The following AFG2B variants were observed in gnomAD, a reference collection of about 807,000 sequenced individuals.
The protein encoded by AFG2B is ATPase family gene 2 protein homolog B.
chr15:45,410,705 T>TTAAAAATTATAA, the AFG2B span, among the ~76,000 whole-genome samples: 10 of 152,344 alleles, frequency 6.6e-5, 1 homozygote, highest in South Asian at 2.1e-3. Context: ...TGTGGATGTC[T>TTAAAAATTATAA]AAACTGGTTT....
the AFG2B span, among the ~76,000 whole-genome samples, chr15:45,420,767 G>A: frequency 6.6e-6 from 1 of 152,172 alleles, no homozygotes; most frequent in Non-Finnish European, 1.5e-5. Context: ...GCTGAAGCAG[G>A]TGGATCATGA....
At chr15:45,405,551 A>T in the AFG2B span, 1 of 1,570,350 alleles carries the variant, frequency 6.4e-7, no homozygotes, top group Non-Finnish European at 8.7e-7. Flanking sequence ...CTATTATTGT[A>T]ACAGATTAAT....
the AFG2B span, chr15:45,402,388 G>C: frequency 1.3e-6 from 2 of 1,555,804 alleles, no homozygotes; most frequent in Non-Finnish European, 1.7e-6. Context: ...GGCCGGGTGG[G>C]TTTCCTAATC....
chr15:45,407,096 G>A, the AFG2B span: 296 of 1,289,048 alleles, frequency 2.3e-4, no homozygotes, highest in Non-Finnish European at 2.9e-4. Context: ...CCAGGGTGGA[G>A]CCCACTGCTA....
At chr15:45,403,661 G>C in the AFG2B span, 91 of 1,023,648 alleles carry the variant, frequency 8.9e-5, 1 homozygote, top group African/African-American at 1.3e-3. Context: ...CAGAGAACAC[G>C]TTCTCTGCCG....
the AFG2B span, among the ~76,000 whole-genome samples, chr15:45,408,908 C>T: frequency 6.6e-6 from 1 of 152,060 alleles, no homozygotes; most frequent in Non-Finnish European, 1.5e-5. Context: ...AACTTTTACT[C>T]CCCTCAACAT....
the AFG2B span, chr15:45,405,525 G>C: frequency 3.7e-6 from 6 of 1,604,924 alleles, no homozygotes; most frequent in Non-Finnish European, 5.1e-6. Context: ...GTTAATTTAT[G>C]AACATCTATG....
At chr15:45,414,577 G>C in the AFG2B span, 2 of 1,613,844 alleles carry the variant, frequency 1.2e-6, no homozygotes, top group Non-Finnish European at 1.7e-6. Flanking sequence ...TCAGAGCATT[G>C]AGTGGCCTCT....
the AFG2B span, among the ~76,000 whole-genome samples, chr15:45,406,718 T>C: frequency 2.0e-5 from 3 of 152,242 alleles, no homozygotes; most frequent in Non-Finnish European, 2.9e-5. Flanking sequence ...AACATCAAAA[T>C]TGTCTTTTCA....
the AFG2B span, among the ~76,000 whole-genome samples, chr15:45,411,189 A>G: frequency 6.6e-6 from 1 of 152,106 alleles, no homozygotes; most frequent in East Asian, 1.9e-4. Flanking sequence ...GCAACAGAGA[A>G]ACCGTGTCCG....
At chr15:45,411,734 G>A in the AFG2B span, among the ~76,000 whole-genome samples, 1 of 152,150 alleles carries the variant, frequency 6.6e-6, no homozygotes, top group African/African-American at 2.4e-5. Flanking sequence ...GCTGCAGTGA[G>A]CTATGATTGC....
chr15:45,410,279 A>G, the AFG2B span: 1 of 1,403,032 alleles, frequency 7.1e-7, no homozygotes, highest in Non-Finnish European at 9.8e-7. Flanking sequence ...AACTTTACAA[A>G]TCCAAAAGAA....
chr15:45,408,623 C>A, the AFG2B span, among the ~76,000 whole-genome samples: 1 of 152,212 alleles, frequency 6.6e-6, no homozygotes, highest in Non-Finnish European at 1.5e-5. Flanking sequence ...CTTTTATCAA[C>A]TAGTTCAGGC....
the AFG2B span, chr15:45,417,708 A>C: frequency 2.6e-5 from 7 of 266,314 alleles, no homozygotes; most frequent in Non-Finnish European, 5.1e-5. Context: ...AGATTGAGTC[A>C]GCATCCTTAT....
the AFG2B span, chr15:45,402,729 C>T: frequency 2.6e-5 from 40 of 1,565,014 alleles, no homozygotes; most frequent in African/African-American, 5.1e-4. Context: ...ATCGCCTCCT[C>T]CTAGTGCCCT....
At chr15:45,415,400 A>G in the AFG2B span, among the ~76,000 whole-genome samples, 2 of 151,628 alleles carry the variant, frequency 1.3e-5, no homozygotes, top group African/African-American at 4.8e-5. Context: ...CGAGAGACTG[A>G]GGCACAAGAA....
At chr15:45,402,589 G>T in the AFG2B span, 1 of 1,570,426 alleles carries the variant, frequency 6.4e-7, no homozygotes, top group Non-Finnish European at 8.6e-7. Context: ...GCTACCCGAC[G>T]GCGGCTCCTG....
At chr15:45,414,762 A>T in the AFG2B span, 2 of 1,614,110 alleles carry the variant, frequency 1.2e-6, no homozygotes, top group Non-Finnish European at 1.7e-6. Flanking sequence ...TTGGAGATTC[A>T]GAAAAAGTGT....
At chr15:45,421,003 A>C in the AFG2B span, 1 of 1,590,140 alleles carries the variant, frequency 6.3e-7, no homozygotes. Context: ...AAAGAAAAAA[A>C]AGCAAAAGAA....
Sources: gnomAD v4.1 joint callset for allele counts (sites outside exome capture counted in the v4.1 genomes callset) on GRCh38, gnomAD v4.1.1 for gene constraint, MANE v1.5 for transcripts, NCBI Gene and HGNC (gene_info 2026-07-23, HGNC 2026-07-21) for gene names.